The following LCOR variants were observed in gnomAD, a reference collection of about 807,000 sequenced individuals.
The protein encoded by LCOR is ligand dependent nuclear receptor corepressor.
In LCOR, 14 loss-of-function variants were observed where a neutral mutation model predicts 64.4. That is an observed-to-expected ratio of 0.22 (90% CI 0.14 to 0.34). The LOEUF (loss-of-function observed/expected upper bound fraction) is 0.34, where lower values mean the gene tolerates loss of function less well. Ranked by LOEUF, LCOR falls within the 10% of genes least tolerant of loss-of-function variation. The probability of loss-of-function intolerance (pLI) is 1.00; values close to 1 mark genes in which losing one functional copy is unlikely to be tolerated. For missense variants in LCOR, 1,686 were observed against 1,765.3 expected, an observed-to-expected ratio of 0.96 and a Z score of 0.80; for synonymous variants, 643 against 642.5, an observed-to-expected ratio of 1.00 and a Z score of -0.01.
chr10:96,906,361 G>A (rs1846727895), intron 2 of LCOR, among the ~76,000 whole-genome samples: 1 of 152,154 alleles, frequency 6.6e-6, no homozygotes, highest in South Asian at 2.1e-4. Context: ...AACCATTTGA[G>A]TTCCCGGTGA....
intron 2 of LCOR, among the ~76,000 whole-genome samples, chr10:96,861,170 A>G (rs1196016362): frequency 6.6e-6 from 1 of 152,194 alleles, no homozygotes; most frequent in Non-Finnish European, 1.5e-5. Context: ...GTGGTGTGAC[A>G]AATTCATTTT....
intron 2 of LCOR, among the ~76,000 whole-genome samples, chr10:96,845,228 TAAG>T (rs1037370745): frequency 2.0e-5 from 3 of 152,060 alleles, no homozygotes; most frequent in African/African-American, 4.8e-5. Context: ...ACAAAGGTAA[TAAG>T]GAGAAATTCC....
chr10:96,857,186 GTGT>G (rs1368703862), intron 2 of LCOR, among the ~76,000 whole-genome samples: 3 of 152,118 alleles, frequency 2.0e-5, no homozygotes, highest in African/African-American at 4.8e-5. Context: ...CAAAGAAATA[GTGT>G]TGTAATTGTT....
chr10:96,900,274 C>T (rs1225059750), intron 2 of LCOR, among the ~76,000 whole-genome samples: 46 of 152,012 alleles, frequency 3.0e-4, no homozygotes, highest in Admixed American at 2.9e-3. Context: ...GGATATACCA[C>T]ATTTTGTTTA....
intron 2 of LCOR, among the ~76,000 whole-genome samples, chr10:96,886,499 T>C (rs1846346398): frequency 6.6e-6 from 1 of 152,234 alleles, no homozygotes; most frequent in African/African-American, 2.4e-5. Context: ...TTTATAATAT[T>C]ATTCCCAAAA....
chr10:96,920,128 A>G (rs957461425), intron 4 of LCOR, among the ~76,000 whole-genome samples: 4 of 150,502 alleles, frequency 2.7e-5, no homozygotes, highest in African/African-American at 7.3e-5. Flanking sequence ...AAGGGTTCCA[A>G]TTTTTCCGCA....
chr10:96,968,951 T>A (rs931130672), intron 7 of LCOR, among the ~76,000 whole-genome samples: 3 of 150,792 alleles, frequency 2.0e-5, no homozygotes, highest in East Asian at 3.9e-4. Context: ...AAAAAAAAAA[T>A]TCAGCGTTTT....
chr10:96,836,889 A>G (rs952618467), intron 2 of LCOR, among the ~76,000 whole-genome samples: 1 of 152,168 alleles, frequency 6.6e-6, no homozygotes, highest in Non-Finnish European at 1.5e-5. Flanking sequence ...ACTTTTTGTT[A>G]GGCAACTTGC....
In LCOR at chr10:96,985,084, G is replaced by A; in HGVS notation, c.4624G>A (p.Ala1542Thr). The change falls in exon 8 of 8, where the codon GCA becomes ACA. Residue 1542 changes from alanine to threonine, a missense_variant. Physicochemically the swap from Ala to Thr is moderately conservative, Grantham distance 58 (BLOSUM62 0). Transcript: ENST00000421806. ...AGCTCAGAGAAAGCGAAAGCTGAAG[G>A]CAAAGCTGGACTGTTCGCACAGCAA... ...SAAQRKRKLK[A>T]KLDCSHSKRR... 1 of 1,613,568 alleles carries A rather than the reference G, an allele frequency of 6.2e-7. No individual in the cohort carries two copies.
At chr10:96,871,904 T>C (rs909109163) in intron 2 of LCOR, among the ~76,000 whole-genome samples, 3 of 152,186 alleles carry the variant, frequency 2.0e-5, no homozygotes, top group African/African-American at 7.2e-5. Flanking sequence ...CTAATAACTT[T>C]CTGAAGTCAC....
intron 7 of LCOR, chr10:96,960,896 A>T (rs1379761097): frequency 1.3e-5 from 2 of 152,154 alleles, no homozygotes; most frequent in Non-Finnish European, 2.9e-5. Flanking sequence ...GGATTTGTGA[A>T]CATGGTGATG....
chr10:96,904,555 A>T (rs1459160957), intron 2 of LCOR, among the ~76,000 whole-genome samples: 1 of 152,170 alleles, frequency 6.6e-6, no homozygotes, highest in Middle Eastern at 3.2e-3. Flanking sequence ...CTAGAGCTCA[A>T]CCTTGAGACT....
chr10:96,952,563 GTT>G (rs984284577), intron 7 of LCOR, among the ~76,000 whole-genome samples: 4 of 119,782 alleles, frequency 3.3e-5, no homozygotes, highest in South Asian at 2.5e-4. Flanking sequence ...CTCTAGTGGG[GTT>G]TGTGTGTGTG....
intron 2 of LCOR, among the ~76,000 whole-genome samples, chr10:96,904,374 G>A (rs1399208099): frequency 6.6e-6 from 1 of 152,210 alleles, no homozygotes; most frequent in Non-Finnish European, 1.5e-5. Context: ...GGTCTGGTAA[G>A]TAAGCCAGCT....
intron 5 of LCOR, 27 bp downstream of exon 5, chr10:96,944,272 G>A (rs1321477725): frequency 3.5e-5 from 34 of 973,020 alleles, no homozygotes; most frequent in Non-Finnish European, 3.7e-5. Flanking sequence ...ATGATATTTA[G>A]CATCTGCTTG....
chr10:96,855,416 TTTTTTTG>T (rs1016689673), intron 2 of LCOR, among the ~76,000 whole-genome samples: 3 of 148,834 alleles, frequency 2.0e-5, no homozygotes, highest in African/African-American at 7.7e-5. Context: ...TGACGCTGTT[TTTTTTTG>T]TTTTTTGTTT....
At chr10:96,856,777 A>C (rs1226017156) in intron 2 of LCOR, among the ~76,000 whole-genome samples, 1 of 152,042 alleles carries the variant, frequency 6.6e-6, no homozygotes, top group Non-Finnish European at 1.5e-5. Context: ...GTGCCCAGCT[A>C]ATACTGTTTT....
chr10:96,945,075 G>T (rs999056028), intron 5 of LCOR, among the ~76,000 whole-genome samples: 2 of 152,066 alleles, frequency 1.3e-5, no homozygotes, highest in African/African-American at 2.4e-5. Flanking sequence ...TTCCAAGATG[G>T]TGGTTACTGT....
chr10:96,874,124 T>C (rs1345387087), intron 2 of LCOR, among the ~76,000 whole-genome samples: 60 of 152,212 alleles, frequency 3.9e-4, no homozygotes, highest in Non-Finnish European at 2.9e-5. Context: ...GTTAAGCATA[T>C]ATATCGCGTG....
Sources: gnomAD v4.1 joint callset for allele counts (sites outside exome capture counted in the v4.1 genomes callset) on GRCh38, gnomAD v4.1.1 for gene constraint, MANE v1.5 for transcripts, NCBI Gene and HGNC (gene_info 2026-07-23, HGNC 2026-07-21) for gene names.